Variants in ITPR2 observed in about 807,000 individuals in gnomAD.
The protein encoded by ITPR2 is inositol 1,4,5-trisphosphate-gated calcium channel ITPR2.
Under a neutral mutation model 317.1 loss-of-function variants are expected in ITPR2, and 207 were observed. That is an observed-to-expected ratio of 0.65 (90% CI 0.58 to 0.73). The LOEUF (loss-of-function observed/expected upper bound fraction) is 0.73. Among genes scored for constraint, ITPR2 ranks in the 30% least tolerant of loss-of-function variants. The pLI is 0.00. For synonymous variants in ITPR2, 1,156 were observed against 1,149.1 expected, an observed-to-expected ratio of 1.01 and a Z score of -0.12; for missense variants, 2,613 against 3,284.0, an observed-to-expected ratio of 0.80 and a Z score of 4.99.
At chr12:26,745,120 T>G (rs1275226286) in intron 2 of ITPR2, among the ~76,000 whole-genome samples, 1 of 152,240 alleles carries the variant, frequency 6.6e-6, no homozygotes, top group Non-Finnish European at 1.5e-5. Context: ...AGAACGGGCT[T>G]TGATGTTATC....
At chr12:26,431,802 T>C (rs962537410) in intron 48 of ITPR2, among the ~76,000 whole-genome samples, 5 of 152,176 alleles carry the variant, frequency 3.3e-5, no homozygotes, top group Non-Finnish European at 5.9e-5. Context: ...GTCCAGGTGT[T>C]CAGACTGGGA....
rs747029100 is a variant in ITPR2 at position 26,715,809 on chromosome 12, G to T, written c.651C>A (p.Ser217Arg). The change falls in exon 7 of 57, where the codon AGC (serine) becomes AGA (arginine). Residue 217 changes from serine (S) to arginine (R), a missense_variant. Physicochemically the swap from Ser to Arg is moderately radical, Grantham distance 110. Transcript: ENST00000381340. Reference protein sequence around the residue: ...KEVNAVNCNTSWKITLFMKYS... With the variant: ...KEVNAVNCNTRWKITLFMKYS... ...ATTTCATGAATAAAGTGATTTTCCA[G>T]CTGGTGTTGCAATTGACAGCATTCA... 2 of 1,610,432 alleles carry T rather than the reference G, an allele frequency of 1.2e-6. No homozygotes were observed. Among genetic ancestry groups the T allele is most frequent in the Non-Finnish European group, 1.7e-6 (2 of 1,177,214 alleles).
At chr12:26,692,256 G>C (rs1365060042) in intron 10 of ITPR2, among the ~76,000 whole-genome samples, 2 of 152,158 alleles carry the variant, frequency 1.3e-5, no homozygotes, top group Admixed American at 6.5e-5. Context: ...TTGCCCCCAG[G>C]GGGCATTGGC....
chr12:26,832,327 G>A (rs1592168499), intron 1 of ITPR2, among the ~76,000 whole-genome samples: 1 of 152,238 alleles, frequency 6.6e-6, no homozygotes, highest in African/African-American at 2.4e-5. Context: ...CGGTGGAAAA[G>A]GGGGGTGTTT....
At chr12:26,390,820 A>T (rs1257481358) in intron 54 of ITPR2, among the ~76,000 whole-genome samples, 1 of 151,516 alleles carries the variant, frequency 6.6e-6, no homozygotes, top group Non-Finnish European at 1.5e-5. Flanking sequence ...CAAACTAAAC[A>T]AAACAAACAA....
rs1179849629 is a variant in ITPR2 at position 26,336,681 on chromosome 12, TCAGCAGAAACTGATACTTTTGAACCAATA to T, written c.*2687_*2715del. ...ACCCTTTTGAAATTAAAAATATTAT[TCAGCAGAAACTGATACTTTTGAACCAATA>T]TGAATTTGAAATAACTAAATATTTT... On this transcript the variant is annotated 3_prime_UTR_variant, in exon 57 of 57. Transcript: ENST00000381340. 1.3e-5 allele frequency: 2 copies of T among 152,192 alleles called. No homozygotes were observed. Among genetic ancestry groups the T allele is most frequent in the Non-Finnish European group, 2.9e-5 (2 of 68,022 alleles). 9.4% of individuals were successfully genotyped at this position (152,192 alleles called of 1,614,324 possible).
At chr12:26,627,917 A>C (rs1946657463) in intron 23 of ITPR2, 116 bp downstream of exon 23, 9 of 915,556 alleles carry the variant, frequency 9.8e-6, no homozygotes, top group Non-Finnish European at 1.5e-5. Flanking sequence ...AACTTAAAGT[A>C]TAATAAAAAA....
chr12:26,383,924 A>C (rs1384946869), intron 55 of ITPR2, among the ~76,000 whole-genome samples: 1 of 140,478 alleles, frequency 7.1e-6, no homozygotes. Context: ...AATATGAGGA[A>C]GGACTTTTCA....
At chr12:26,632,291 C>T (rs943502695) in intron 21 of ITPR2, among the ~76,000 whole-genome samples, 5 of 152,158 alleles carry the variant, frequency 3.3e-5, no homozygotes, top group Non-Finnish European at 7.4e-5. Flanking sequence ...TCAGAAAATG[C>T]TTTCAAATCA....
At chr12:26,573,678 G>A (rs953708591) in intron 34 of ITPR2, among the ~76,000 whole-genome samples, 1 of 152,182 alleles carries the variant, frequency 6.6e-6, no homozygotes, top group African/African-American at 2.4e-5. Context: ...TCTCCAGGAA[G>A]AGGATCCAAA....
At chr12:26,474,357 G>A (rs1175616177) in intron 45 of ITPR2, among the ~76,000 whole-genome samples, 1 of 152,184 alleles carries the variant, frequency 6.6e-6, no homozygotes, top group African/African-American at 2.4e-5. Context: ...ATTGGCAAAT[G>A]CACATTTAAA....
intron 55 of ITPR2, among the ~76,000 whole-genome samples, chr12:26,383,259 C>A (rs367782306): frequency 1.3e-5 from 2 of 152,136 alleles, no homozygotes; most frequent in East Asian, 1.9e-4. Context: ...GTTTGTACAG[C>A]CTGCAGAACT....
intron 55 of ITPR2, among the ~76,000 whole-genome samples, chr12:26,373,031 G>A (rs903878080): frequency 6.6e-6 from 1 of 152,322 alleles, no homozygotes; most frequent in Non-Finnish European, 1.5e-5. Context: ...GTGTAATCAT[G>A]TGGACTGCAT....
At chr12:26,703,432 A>C (rs1948490538) in intron 9 of ITPR2, among the ~76,000 whole-genome samples, 1 of 152,212 alleles carries the variant, frequency 6.6e-6, no homozygotes, top group South Asian at 2.1e-4. Context: ...CTTTCAGTAT[A>C]ATACAGATCA....
chr12:26,578,324 CT>C (rs1945321955), intron 34 of ITPR2, among the ~76,000 whole-genome samples: 2 of 152,092 alleles, frequency 1.3e-5, no homozygotes, highest in South Asian at 4.2e-4. Context: ...TATTGACACA[CT>C]TCAAACAAAA....
At chr12:26,494,492 G>A (rs1942886851) in intron 38 of ITPR2, 152 bp from the exon 39 acceptor site, 4 of 523,694 alleles carry the variant, frequency 7.6e-6, no homozygotes, top group Middle Eastern at 1.1e-3. Context: ...GCTTGAGGCT[G>A]GGCATGGTGG....
At chr12:26,619,256 A>AAC in intron 26 of ITPR2, among the ~76,000 whole-genome samples, 1 of 152,378 alleles carries the variant, frequency 6.6e-6, no homozygotes, top group East Asian at 1.9e-4. Context: ...CATAGTAAAC[A>AAC]ACACAGTGTG....
chr12:26,697,801 T>A (rs922129632), intron 9 of ITPR2, among the ~76,000 whole-genome samples: 3 of 150,810 alleles, frequency 2.0e-5, no homozygotes, highest in Admixed American at 6.6e-5. Flanking sequence ...TCAAAATAAT[T>A]ATAATAATAA....
rs572908933 is a variant in ITPR2, at chr12:26,671,096, G to A, written c.1410-5045C>T. Among the ~76,000 whole-genome samples the A allele has an allele frequency of 2.5e-3, 388 of 152,190 alleles. 2 individuals carry two copies. Among genetic ancestry groups the A allele is most frequent in the African/African-American group, 8.2e-3 (340 of 41,530 alleles). On this transcript the variant is annotated intron_variant, in intron 13 of 56. Transcript: ENST00000381340. ...GATTGGTGTACCTGAAAGTGACGGG[G>A]AGAATGGAACCAAGTTGGAAAACAC...
Sources: gnomAD v4.1 joint callset for allele counts (sites outside exome capture counted in the v4.1 genomes callset) on GRCh38, gnomAD v4.1.1 for gene constraint, MANE v1.5 for transcripts, NCBI Gene and HGNC (gene_info 2026-07-23, HGNC 2026-07-21) for gene names.